The following PGM3 variants were observed in gnomAD, a reference collection of about 807,000 sequenced individuals.
The protein encoded by PGM3 is phosphoacetylglucosamine mutase.
In PGM3, 40 loss-of-function variants were observed where a neutral mutation model predicts 66.2. The ratio of observed to expected loss-of-function variants is 0.60; its 90% CI spans 0.47 to 0.79. The LOEUF (loss-of-function observed/expected upper bound fraction) is 0.79, where lower values mean the gene tolerates loss of function less well. Ranked by LOEUF, PGM3 falls within the 30% of genes least tolerant of loss-of-function variation. The pLI, the probability that PGM3 is intolerant of heterozygous loss-of-function variation, is 0.00. For missense variants in PGM3, 537 were observed against 643.4 expected, an observed-to-expected ratio of 0.83 and a Z score of 1.79; for synonymous variants, 191 against 224.2, an observed-to-expected ratio of 0.85 and a Z score of 1.32.
rs920183496 is a variant in PGM3, at chr6:83,168,601, T to C, written c.*633A>G. On this transcript the variant is annotated 3_prime_UTR_variant, in exon 13 of 13. Coordinates refer to ENST00000513973, the MANE Select transcript of PGM3 (RefSeq NM_015599.3). ...TGGGAAACGTATTATAATTAGTTTT[T>C]CTCCCACATACCTTCACCAAGAGCA... is the stretch of plus-strand genomic sequence containing the variant. 24 of 997,302 alleles carry C rather than the reference T, an allele frequency of 2.4e-5. No homozygotes were observed. The African/African-American group carries it at 4.0e-4, about 17-fold the overall frequency. The allele number at this position is 997,302 out of a possible 1,614,324, so 61.8% of individuals were successfully genotyped here. A position where few individuals can be genotyped will look rare whatever the true frequency, so the allele number is the denominator to read the frequency against.
In PGM3 at chr6:83,167,936, C is replaced by T. The variant is rs750704974; in HGVS notation, c.*1298G>A. On this transcript the variant is annotated 3_prime_UTR_variant, in exon 13 of 13. Transcript: ENST00000513973. The stretch of plus-strand genomic sequence containing the variant: ...GGCACTTGCTGCTCACCATCTGCAC[C>T]GTGCGCAGTATGGAGCAGCTCCTGC... 6.8e-6 allele frequency: 11 copies of T among 1,614,108 alleles called. No individual in the cohort carries two copies. The highest frequency in any genetic ancestry group is 3.3e-5 in the Admixed American group (2 of 60,024).
At position 83,166,841 on chromosome 6, in the gene PGM3, C is replaced by T; in HGVS notation, c.*2393G>A. On this transcript the variant is annotated 3_prime_UTR_variant, in exon 13 of 13. Transcript: ENST00000513973. ...TGAAAGTTTCTGAGCAACATCTGATCTTAGAAGGCAAACTCCATTTGTTAA... is the reference window on the plus strand; with the variant it reads ...TGAAAGTTTCTGAGCAACATCTGATTTTAGAAGGCAAACTCCATTTGTTAA... 1.0e-6 allele frequency: 1 copy of T among 1,003,200 alleles called. No homozygotes were observed. Among genetic ancestry groups the T allele is most frequent in the Non-Finnish European group, 1.2e-6 (1 of 842,274 alleles). The allele number at this position is 1,003,200 out of a possible 1,614,324, so 62.1% of individuals were successfully genotyped here.
intron 10 of PGM3, among the ~76,000 whole-genome samples, chr6:83,173,773 G>C (rs1479407283): frequency 6.6e-6 from 1 of 152,124 alleles, no homozygotes; most frequent in Non-Finnish European, 1.5e-5. Context: ...GTCTCGCTCT[G>C]TCACCCAGGC....
At chr6:83,191,604 TA>T (rs1789061347) in intron 1 of PGM3, among the ~76,000 whole-genome samples, 1 of 152,208 alleles carries the variant, frequency 6.6e-6, no homozygotes, top group Admixed American at 6.5e-5. Context: ...TTCCATTTGC[TA>T]AAAACAATCA....
At chr6:83,173,933 T>G (rs1787544504) in intron 10 of PGM3, among the ~76,000 whole-genome samples, 1 of 152,144 alleles carries the variant, frequency 6.6e-6, no homozygotes, top group South Asian at 2.1e-4. Flanking sequence ...AGACGAGGTT[T>G]CACCCTGTTA....
downstream of PGM3, chr6:83,157,093 GAT>G (rs1714283835): frequency 7.7e-7 from 1 of 1,300,608 alleles, no homozygotes; most frequent in Admixed American, 2.5e-5. Context: ...CTTTACTACA[GAT>G]AGTTTGAGAG....
chr6:83,185,790 A>T (rs1287107359), intron 4 of PGM3, among the ~76,000 whole-genome samples: 1 of 152,000 alleles, frequency 6.6e-6, no homozygotes, highest in Non-Finnish European at 1.5e-5. Context: ...TAAATAAATA[A>T]ATAAATAAAT....
chr6:83,185,896 C>G (rs550529572), intron 4 of PGM3, among the ~76,000 whole-genome samples: 125 of 152,206 alleles, frequency 8.2e-4, no homozygotes, highest in Middle Eastern at 3.4e-3. Context: ...CTGAAAGAGA[C>G]AGAAGAGGAG....
Position 83,166,081 on chromosome 6 carries a change from C to T in PGM3, c.*3153G>A. ...CCACCTTTTGGCACACATCACAATC[C>T]GATAGAGAAATGATTCATTATTGTT... On this transcript the variant is annotated 3_prime_UTR_variant, in exon 13 of 13. Coordinates refer to ENST00000513973, the MANE Select transcript of PGM3 (RefSeq NM_015599.3). The T allele has an allele frequency of 6.0e-6, 2 of 332,290 alleles. No homozygotes were observed. The highest frequency in any genetic ancestry group is 5.5e-6 in the Non-Finnish European group (1 of 182,694). 20.6% of individuals were successfully genotyped at this position (332,290 alleles called of 1,614,324 possible). A position where few individuals can be genotyped will look rare whatever the true frequency, so the allele number is the denominator to read the frequency against.
At chr6:83,153,491 C>T in the PGM3 span, 1 of 1,534,216 alleles carries the variant, frequency 6.5e-7, no homozygotes, top group Non-Finnish European at 8.9e-7. Context: ...TGTTACTCTT[C>T]ATTTTTTATG....
chr6:83,175,774 A>AATC (rs1787719030), intron 9 of PGM3, among the ~76,000 whole-genome samples, 188 bp downstream of exon 9: 1 of 152,234 alleles, frequency 6.6e-6, no homozygotes, highest in Admixed American at 6.5e-5. Flanking sequence ...TTCAAAGAAG[A>AATC]ATCATTACCA....
At chr6:83,191,994 A>C (rs1316833835) in intron 1 of PGM3, among the ~76,000 whole-genome samples, 1 of 138,018 alleles carries the variant, frequency 7.2e-6, no homozygotes, top group Non-Finnish European at 1.5e-5. Flanking sequence ...AGGCCAGGTG[A>C]GGTGGCTCAG....
the PGM3 span, chr6:83,151,471 A>G: frequency 1.6e-6 from 1 of 629,192 alleles, no homozygotes; most frequent in Non-Finnish European, 2.6e-6. Flanking sequence ...ATGTATATAT[A>G]TTAAATATTT....
chr6:83,190,709 T>G lies in PGM3; in HGVS notation c.204+100A>C. The G allele has an allele frequency of 6.4e-6, 6 of 934,592 alleles. No homozygotes were observed. The South Asian group carries it at 7.5e-5, about 12-fold the overall frequency. 57.9% of individuals were successfully genotyped at this position (934,592 alleles called of 1,614,324 possible). Reference sequence around the variant, plus strand: ...AAGCACATATAAATGAGAAGGCACATTCCTAGAATTAGAATTTGTACTTTA... The same window carrying G: ...AAGCACATATAAATGAGAAGGCACAGTCCTAGAATTAGAATTTGTACTTTA... On this transcript the variant is annotated intron_variant, in intron 2 of 12. Transcript: ENST00000513973.
At position 83,166,774 on chromosome 6, in the gene PGM3, A is replaced by G. The variant is rs1053405540; in HGVS notation, c.*2460T>C. 1.9e-6 allele frequency: 2 copies of G among 1,078,522 alleles called. No individual in the cohort carries two copies. Among genetic ancestry groups the G allele is most frequent in the Non-Finnish European group, 1.1e-6 (1 of 891,094 alleles). 66.8% of individuals were successfully genotyped at this position (1,078,522 alleles called of 1,614,324 possible). A position where few individuals can be genotyped will look rare whatever the true frequency, so the allele number is the denominator to read the frequency against. ...ATAAGCTGGATTTTGCATCTGCTTG[A>G]CCCACTAGGAAACTAGTGATATTAA... On this transcript the variant is annotated 3_prime_UTR_variant, in exon 13 of 13. Coordinates refer to ENST00000513973, the MANE Select transcript of PGM3 (RefSeq NM_015599.3).
downstream of PGM3, among the ~76,000 whole-genome samples, chr6:83,163,657 C>G (rs1452461751): frequency 2.6e-5 from 4 of 152,116 alleles, no homozygotes; most frequent in Non-Finnish European, 5.9e-5. Flanking sequence ...TAAAGTTTCA[C>G]AAAACAGTTC....
chr6:83,168,388 A>G lies in PGM3; in HGVS notation c.*846T>C, dbSNP rs1405557716. ...TGATTATGGTGCCTAAGAGAGCTAT[A>G]TATATACACATGTAAAGTCCATTGT... On this transcript the variant is annotated 3_prime_UTR_variant, in exon 13 of 13. Coordinates refer to ENST00000513973, the MANE Select transcript of PGM3 (RefSeq NM_015599.3). 5.3e-6 allele frequency: 7 copies of G among 1,310,090 alleles called. No individual in the cohort carries two copies. The highest frequency in any genetic ancestry group is 2.0e-5 in the South Asian group (1 of 50,262). The allele number at this position is 1,310,090 out of a possible 1,614,324, so 81.2% of individuals were successfully genotyped here.
downstream of PGM3, chr6:83,162,718 A>G (rs1033871838): frequency 1.3e-6 from 2 of 1,499,910 alleles, no homozygotes; most frequent in Non-Finnish European, 1.8e-6. Flanking sequence ...TCTTTCTACT[A>G]CATTATGTGG....
chr6:83,158,486 T>G, downstream of PGM3: 1 of 1,104,242 alleles, frequency 9.1e-7, no homozygotes, highest in Non-Finnish European at 1.3e-6. Flanking sequence ...GTTTTTGCGT[T>G]AATGAAAATA....
Sources: allele counts gnomAD v4.1 joint callset (sites outside exome capture counted in the v4.1 genomes callset), GRCh38; gene constraint gnomAD v4.1.1; transcripts MANE v1.5; gene names NCBI Gene and HGNC (gene_info 2026-07-23, HGNC 2026-07-21).